Variants in MAN1A2 observed in about 807,000 individuals in gnomAD.
MAN1A2 encodes the protein mannosyl-oligosaccharide 1,2-alpha-mannosidase IB.
Under a neutral mutation model 75.7 loss-of-function variants are expected in MAN1A2, and 26 were observed. That is an observed-to-expected ratio of 0.34 (90% CI 0.25 to 0.48). The LOEUF (loss-of-function observed/expected upper bound fraction) is 0.48. Among genes scored for constraint, MAN1A2 ranks in the 20% least tolerant of loss-of-function variants. The pLI, the probability that MAN1A2 is intolerant of heterozygous loss-of-function variation, is 0.99. For missense variants in MAN1A2, 562 were observed against 775.5 expected, an observed-to-expected ratio of 0.72 and a Z score of 3.27; for synonymous variants, 247 against 264.6, an observed-to-expected ratio of 0.93 and a Z score of 0.65.
At chr1:117,429,860 AC>A (rs1414677443) in intron 5 of MAN1A2, among the ~76,000 whole-genome samples, 4 of 46,550 alleles carry the variant, frequency 8.6e-5, no homozygotes, top group African/African-American at 8.3e-5. Flanking sequence ...CGGGGGGCCG[AC>A]CCCCCCACCT....
At chr1:117,417,534 A>AATATATAT (rs551507232) in intron 4 of MAN1A2, among the ~76,000 whole-genome samples, 1,009 of 89,182 alleles carry the variant, frequency 0.011, 48 homozygotes, top group African/African-American at 0.029. Flanking sequence ...CTTGAGTTTA[A>AATATATAT]ATATATATAT....
intron 12 of MAN1A2, among the ~76,000 whole-genome samples, chr1:117,506,109 C>G (rs770274194): frequency 6.8e-6 from 1 of 147,076 alleles, no homozygotes; most frequent in South Asian, 2.2e-4. Flanking sequence ...GAGCTTAAAA[C>G]TTTATAGAGG....
intron 1 of MAN1A2, among the ~76,000 whole-genome samples, chr1:117,378,543 A>T (rs1653230487): frequency 6.6e-6 from 1 of 152,058 alleles, no homozygotes; most frequent in Non-Finnish European, 1.5e-5. Context: ...TGTTGCAAAA[A>T]CATTCTGTAC....
chr1:117,523,103 G>A lies in MAN1A2; in HGVS notation c.*146G>A, dbSNP rs1651915164. 3 of 847,318 alleles carry A rather than the reference G, an allele frequency of 3.5e-6. No individual in the cohort carries two copies. The highest frequency in any genetic ancestry group is 2.0e-5 in the Admixed American group (1 of 50,184). The allele number at this position is 847,318 out of a possible 1,614,324, so 52.5% of individuals were successfully genotyped here. ...TATTCCCCCTAAGACTGTTCAACTT[G>A]TAGATACATCAACTTTGAAATTATT... On this transcript the variant is annotated 3_prime_UTR_variant, in exon 13 of 13. Coordinates refer to ENST00000356554, the MANE Select transcript of MAN1A2 (RefSeq NM_006699.5).
intron 7 of MAN1A2, among the ~76,000 whole-genome samples, chr1:117,464,356 C>CAAAAGAAA (rs1553237323): frequency 7.6e-6 from 1 of 132,014 alleles, no homozygotes; most frequent in Non-Finnish European, 1.6e-5. Context: ...AAGACTCTGT[C>CAAAAGAAA]AAAAAAAAAA....
chr1:117,514,219 C>T (rs891772982), intron 12 of MAN1A2, among the ~76,000 whole-genome samples: 21 of 151,802 alleles, frequency 1.4e-4, no homozygotes, highest in East Asian at 1.9e-4. Context: ...AAAAATTAGC[C>T]GGGCATGGTG....
intron 1 of MAN1A2, among the ~76,000 whole-genome samples, chr1:117,377,402 G>A (rs967291945): frequency 6.6e-5 from 10 of 152,160 alleles, no homozygotes; most frequent in African/African-American, 1.9e-4. Flanking sequence ...TTCATAAAGA[G>A]CAATTTATTT....
At chr1:117,449,808 A>G (rs755077812) in intron 6 of MAN1A2, among the ~76,000 whole-genome samples, 1 of 152,236 alleles carries the variant, frequency 6.6e-6, no homozygotes, top group Non-Finnish European at 1.5e-5. Context: ...CAGCTACAAC[A>G]TTCTCTTAAG....
intron 5 of MAN1A2, among the ~76,000 whole-genome samples, chr1:117,421,979 C>T (rs1648215592): frequency 6.6e-6 from 1 of 152,016 alleles, no homozygotes; most frequent in Non-Finnish European, 1.5e-5. Context: ...ATTTTGGAAA[C>T]ATTGGTTCTA....
intron 5 of MAN1A2, among the ~76,000 whole-genome samples, chr1:117,423,933 A>G (rs1324998865): frequency 3.4e-4 from 49 of 142,468 alleles, no homozygotes; most frequent in Non-Finnish European, 5.9e-4. Flanking sequence ...CCCAGGCTGG[A>G]GTGCAATGGC....
rs1479772719 is a variant in MAN1A2 at position 117,527,142 on chromosome 1, A to G, written c.*4185A>G. ...TTTTCTGTTACTTTAGCTCATTCAG[A>G]TCAGGATGGACATGCTCTTTTTGAT... On this transcript the variant is annotated 3_prime_UTR_variant, in exon 13 of 13. Transcript: ENST00000356554. 1 of 151,702 alleles carries G rather than the reference A, an allele frequency of 6.6e-6. No homozygotes were observed. The highest frequency in any genetic ancestry group is 2.4e-5 in the African/African-American group (1 of 41,350). 9.4% of individuals were successfully genotyped at this position (151,702 alleles called of 1,614,324 possible).
chr1:117,370,324 G>A (rs937085246), intron 1 of MAN1A2, among the ~76,000 whole-genome samples: 1 of 152,190 alleles, frequency 6.6e-6, no homozygotes, highest in Non-Finnish European at 1.5e-5. Context: ...AGTGATACAT[G>A]TGAGTCTGGA....
chr1:117,374,556 G>A (rs565818955), intron 1 of MAN1A2, among the ~76,000 whole-genome samples: 36 of 152,120 alleles, frequency 2.4e-4, no homozygotes, highest in African/African-American at 7.7e-4. Context: ...CCAATGATCT[G>A]TTTTTGAATT....
intron 1 of MAN1A2, among the ~76,000 whole-genome samples, chr1:117,383,771 G>T (rs1362110201): frequency 1.3e-5 from 2 of 151,416 alleles, no homozygotes; most frequent in Non-Finnish European, 2.9e-5. Context: ...TTTAAGCGTT[G>T]GGGGTCTGTG....
At chr1:117,398,401 C>T (rs1341142909) in intron 1 of MAN1A2, among the ~76,000 whole-genome samples, 1 of 151,942 alleles carries the variant, frequency 6.6e-6, no homozygotes, top group African/African-American at 2.4e-5. Flanking sequence ...TGGCTGGGCA[C>T]GGTGGCTCAT....
At chr1:117,383,152 G>A (rs1023779105) in intron 1 of MAN1A2, among the ~76,000 whole-genome samples, 6 of 152,196 alleles carry the variant, frequency 3.9e-5, no homozygotes, top group Non-Finnish European at 5.9e-5. Flanking sequence ...CATTGAGTGT[G>A]ATGTTAGCTG....
intron 8 of MAN1A2, among the ~76,000 whole-genome samples, chr1:117,468,941 G>A (rs1650057352): frequency 6.6e-6 from 1 of 152,034 alleles, no homozygotes; most frequent in South Asian, 2.1e-4. Flanking sequence ...TACTTTTGAT[G>A]TTAGCTTAAA....
At chr1:117,439,498 C>CTTT in intron 5 of MAN1A2, among the ~76,000 whole-genome samples, 1 of 147,132 alleles carries the variant, frequency 6.8e-6, no homozygotes, top group South Asian at 2.2e-4. Context: ...TGTTGTCTTA[C>CTTT]TTTTTTTTTT....
intron 11 of MAN1A2, among the ~76,000 whole-genome samples, chr1:117,500,541 A>T (rs1301677724): frequency 6.6e-6 from 1 of 151,814 alleles, no homozygotes; most frequent in Admixed American, 6.6e-5. Context: ...GGTTTGGGAG[A>T]CCACAGCCAT....
Sources: gnomAD v4.1 joint callset for allele counts (sites outside exome capture counted in the v4.1 genomes callset) on GRCh38, gnomAD v4.1.1 for gene constraint, MANE v1.5 for transcripts, NCBI Gene and HGNC (gene_info 2026-07-23, HGNC 2026-07-21) for gene names.